Variants in TSPAN18 observed in about 807,000 individuals in gnomAD.
TSPAN18 encodes tetraspanin 18, also known as tetraspanin-18.
A neutral mutation model predicts 27.3 loss-of-function variants in TSPAN18; 14 were observed. That is an observed-to-expected ratio of 0.51 (90% CI 0.34 to 0.80). The LOEUF is 0.80. Ranked by LOEUF, TSPAN18 falls within the 30% of genes least tolerant of loss-of-function variation. The probability of loss-of-function intolerance (pLI) is 0.01; values close to 1 mark genes in which losing one functional copy is unlikely to be tolerated. For synonymous variants in TSPAN18, 143 were observed against 136.5 expected, an observed-to-expected ratio of 1.05 and a Z score of -0.33; for missense variants, 268 against 323.9, an observed-to-expected ratio of 0.83 and a Z score of 1.32.
At chr11:44,876,595 C>T (rs1447783124) in intron 3 of TSPAN18, among the ~76,000 whole-genome samples, 1 of 152,086 alleles carries the variant, frequency 6.6e-6, no homozygotes, top group African/African-American at 2.4e-5. Flanking sequence ...TATTGCAGGC[C>T]CAGGTTGTAG....
intron 3 of TSPAN18, among the ~76,000 whole-genome samples, chr11:44,889,598 A>G (rs1363643768): frequency 6.6e-6 from 1 of 152,250 alleles, no homozygotes; most frequent in Non-Finnish European, 1.5e-5. Context: ...GCCAAAGCCC[A>G]CATGGGGTGA....
chr11:44,745,924 G>A (rs1345427871), intron 1 of TSPAN18, among the ~76,000 whole-genome samples: 2 of 152,222 alleles, frequency 1.3e-5, no homozygotes, highest in Admixed American at 1.3e-4. Flanking sequence ...CTACTTGGGA[G>A]GCTGAGGCAG....
At chr11:44,925,968 G>A (rs1488993460) in intron 8 of TSPAN18, among the ~76,000 whole-genome samples, 1 of 151,998 alleles carries the variant, frequency 6.6e-6, no homozygotes, top group Non-Finnish European at 1.5e-5. Flanking sequence ...TATCTATCTC[G>A]ATCTCGATCT....
At chr11:44,906,597 G>T in intron 4 of TSPAN18, 118 bp downstream of exon 4, 1 of 957,612 alleles carries the variant, frequency 1.0e-6, no homozygotes, top group South Asian at 1.4e-5. Flanking sequence ...GCTAGAGGCA[G>T]GGGTACCTGC....
intron 2 of TSPAN18, among the ~76,000 whole-genome samples, chr11:44,785,635 G>A (rs1330032440): frequency 2.6e-5 from 4 of 151,858 alleles, no homozygotes; most frequent in Non-Finnish European, 5.9e-5. Flanking sequence ...GCTTTGGCAA[G>A]GTGGTTTTAT....
chr11:44,896,605 T>G (rs897364683), intron 3 of TSPAN18, among the ~76,000 whole-genome samples: 1 of 152,108 alleles, frequency 6.6e-6, no homozygotes, highest in Non-Finnish European at 1.5e-5. Context: ...GGGAGGCCTC[T>G]TCTCCTGCCT....
intron 3 of TSPAN18, among the ~76,000 whole-genome samples, chr11:44,866,550 A>G (rs1022045366): frequency 6.6e-6 from 1 of 152,180 alleles, no homozygotes; most frequent in Non-Finnish European, 1.5e-5. Context: ...ACTCCGAGCT[A>G]TGAGCTTCGG....
At chr11:44,798,065 T>C (rs1470986000) in intron 2 of TSPAN18, among the ~76,000 whole-genome samples, 2 of 152,200 alleles carry the variant, frequency 1.3e-5, no homozygotes, top group Non-Finnish European at 2.9e-5. Flanking sequence ...TATTAACATC[T>C]GAACACACTT....
At chr11:44,788,800 G>A (rs549704699) in intron 2 of TSPAN18, among the ~76,000 whole-genome samples, 1 of 152,312 alleles carries the variant, frequency 6.6e-6, no homozygotes, top group East Asian at 1.9e-4. Flanking sequence ...GCAGCACCTT[G>A]CTGGTGGCTT....
chr11:44,834,359 G>A (rs577442294), intron 2 of TSPAN18, among the ~76,000 whole-genome samples: 2 of 152,308 alleles, frequency 1.3e-5, no homozygotes, highest in East Asian at 3.9e-4. Flanking sequence ...TCCAAAAGGA[G>A]AGAGCCACAC....
chr11:44,735,007 G>T (rs1274354507), intron 1 of TSPAN18, among the ~76,000 whole-genome samples: 9 of 152,244 alleles, frequency 5.9e-5, no homozygotes, highest in African/African-American at 2.2e-4. Flanking sequence ...GAAAAGCTGG[G>T]CAGGCTGGAC....
chr11:44,864,213 G>A (rs528190280), intron 3 of TSPAN18, among the ~76,000 whole-genome samples: 25 of 144,976 alleles, frequency 1.7e-4, no homozygotes, highest in African/African-American at 6.1e-4. Context: ...CTTGAACCTG[G>A]AAGGCAGAGG....
chr11:44,788,269 T>G (rs1019177009), intron 2 of TSPAN18, among the ~76,000 whole-genome samples: 4 of 152,034 alleles, frequency 2.6e-5, no homozygotes, highest in African/African-American at 9.7e-5. Context: ...CAATGGAACT[T>G]TCTGTGTGGA....
chr11:44,831,722 A>G (rs61472531), intron 2 of TSPAN18, among the ~76,000 whole-genome samples: 3,746 of 152,296 alleles, frequency 0.025, 147 homozygotes, highest in African/African-American at 0.084. Flanking sequence ...CTCTGCCTTC[A>G]TGGAGCTTGG....
At chr11:44,919,082 G>A (rs72901387) in intron 6 of TSPAN18, 132 bp from the exon 7 acceptor site, 30,137 of 710,012 alleles carry the variant, frequency 0.042, 781 homozygotes, top group Non-Finnish European at 0.054. Flanking sequence ...AATCCCAGGG[G>A]ACCTGGCACC....
intron 4 of TSPAN18, 180 bp from the exon 5 acceptor site, chr11:44,909,525 A>T (rs61879685): frequency 1.7e-6 from 1 of 592,376 alleles, no homozygotes; most frequent in Non-Finnish European, 2.9e-6. Flanking sequence ...TAGAAAAATT[A>T]AAAGCAATTC....
At chr11:44,839,835 G>A (rs1165464195) in intron 2 of TSPAN18, among the ~76,000 whole-genome samples, 1 of 152,156 alleles carries the variant, frequency 6.6e-6, no homozygotes, top group Non-Finnish European at 1.5e-5. Context: ...AGGCAGAGGT[G>A]AGCGTGACTT....
chr11:44,845,887 G>A (rs927535056), intron 2 of TSPAN18, among the ~76,000 whole-genome samples: 3 of 152,188 alleles, frequency 2.0e-5, no homozygotes, highest in Admixed American at 6.5e-5. Context: ...CCAGACCTAC[G>A]GCATTTCCCA....
At chr11:44,851,615 T>TCCCCCCCCCCCC (rs35373492) in intron 2 of TSPAN18, among the ~76,000 whole-genome samples, 1 of 122,768 alleles carries the variant, frequency 8.1e-6, no homozygotes, top group Non-Finnish European at 1.8e-5. Flanking sequence ...TCTTGTCACC[T>TCCCCCCCCCCCC]CCCCCCCCCA....
Sources: gnomAD v4.1 joint callset for allele counts (sites outside exome capture counted in the v4.1 genomes callset) on GRCh38, gnomAD v4.1.1 for gene constraint, MANE v1.5 for transcripts, NCBI Gene and HGNC (gene_info 2026-07-23, HGNC 2026-07-21) for gene names.